The following SPRED2 variants were observed in gnomAD, a reference collection of about 807,000 sequenced individuals.
SPRED2 encodes the protein sprouty related EVH1 domain containing 2, also known as sprouty-related, EVH1 domain-containing protein 2.
Under a neutral mutation model 43.0 loss-of-function variants are expected in SPRED2, and 47 were observed. The observed-to-expected ratio is 1.09, with a 90% confidence interval of 0.87 to 1.40. The LOEUF is 1.40. SPRED2 is among the 40% of genes most tolerant of loss of function. SPRED2 has a pLI of 0.00. For synonymous variants in SPRED2, 225 were observed against 225.7 expected (o/e 1.00, Z 0.03); for missense variants, 561 against 586.4 (o/e 0.96, Z 0.45).
chr2:65,413,792 C>T (rs1332730444), intron 1 of SPRED2, among the ~76,000 whole-genome samples: 1 of 152,204 alleles, frequency 6.6e-6, no homozygotes, highest in Admixed American at 6.5e-5. Context: ...AACTCCAAAG[C>T]TTATCAGAGT....
intron 1 of SPRED2, among the ~76,000 whole-genome samples, chr2:65,374,540 T>C (rs1675195217): frequency 6.6e-6 from 1 of 152,268 alleles, no homozygotes; most frequent in South Asian, 2.1e-4. Flanking sequence ...CAGTTAACTT[T>C]CTGGTTTCTC....
intron 4 of SPRED2, among the ~76,000 whole-genome samples, chr2:65,322,266 C>CTATATATATA (rs1558649699): frequency 4.5e-5 from 2 of 44,546 alleles, no homozygotes; most frequent in Admixed American, 2.9e-4. Context: ...CTCTCTCTCT[C>CTATATATATA]TCTCTATATA....
intron 4 of SPRED2, 149 bp from the exon 5 acceptor site, chr2:65,317,032 A>G: frequency 1.2e-6 from 1 of 821,980 alleles, no homozygotes. Flanking sequence ...TGTCTTGGCT[A>G]CAACAGGAGG....
At chr2:65,423,199 G>C (rs1360896943) in intron 1 of SPRED2, among the ~76,000 whole-genome samples, 1 of 152,180 alleles carries the variant, frequency 6.6e-6, no homozygotes, top group Non-Finnish European at 1.5e-5. Context: ...CTAAGAGGAT[G>C]GTCAGTCCCA....
intron 4 of SPRED2, among the ~76,000 whole-genome samples, chr2:65,319,715 T>C (rs1029985532): frequency 5.3e-5 from 8 of 151,936 alleles, no homozygotes; most frequent in Non-Finnish European, 8.8e-5. Flanking sequence ...TGAGTGCTTA[T>C]GGTGTGCCAG....
chr2:65,385,844 G>A (rs1232704858), intron 1 of SPRED2, among the ~76,000 whole-genome samples: 3 of 152,252 alleles, frequency 2.0e-5, no homozygotes, highest in Non-Finnish European at 2.9e-5. Flanking sequence ...GCAGACCTGC[G>A]TTAGTGTTTT....
intron 1 of SPRED2, among the ~76,000 whole-genome samples, chr2:65,374,996 G>C (rs1219804398): frequency 6.6e-6 from 1 of 152,214 alleles, no homozygotes; most frequent in African/African-American, 2.4e-5. Context: ...GTGTGTGGCA[G>C]ATGAGTGTTT....
At chr2:65,346,588 T>G (rs1674356945) in intron 1 of SPRED2, among the ~76,000 whole-genome samples, 1 of 152,156 alleles carries the variant, frequency 6.6e-6, no homozygotes, top group Non-Finnish European at 1.5e-5. Context: ...TCTGATACTC[T>G]AGGTACCTCA....
chr2:65,431,818 C>T (rs1323839119), intron 1 of SPRED2, 144 bp downstream of exon 1: 3 of 973,652 alleles, frequency 3.1e-6, no homozygotes, highest in African/African-American at 3.2e-5. Flanking sequence ...AGCAGGGAAG[C>T]CTCGCGTCCC....
chr2:65,317,636 C>T (rs966727984), intron 4 of SPRED2, among the ~76,000 whole-genome samples: 4 of 152,086 alleles, frequency 2.6e-5, no homozygotes, highest in Non-Finnish European at 4.4e-5. Context: ...GCAGGGAAGA[C>T]GCACACAGGC....
At chr2:65,373,011 A>C (rs933957091) in intron 1 of SPRED2, among the ~76,000 whole-genome samples, 1 of 152,242 alleles carries the variant, frequency 6.6e-6, no homozygotes, top group African/African-American at 2.4e-5. Flanking sequence ...CATGGAAGCT[A>C]TCTGTTTGTC....
intron 5 of SPRED2, 113 bp from the exon 6 acceptor site, chr2:65,314,282 A>G: frequency 1.0e-6 from 1 of 984,946 alleles, no homozygotes; most frequent in East Asian, 2.7e-5. Context: ...TTTCTCGATA[A>G]CTCCATCACG....
intron 1 of SPRED2, among the ~76,000 whole-genome samples, chr2:65,366,207 ATT>A (rs1420415475): frequency 1.3e-5 from 2 of 151,990 alleles, no homozygotes; most frequent in Non-Finnish European, 2.9e-5. Context: ...CTGCTTATTC[ATT>A]TGTTTTAAAG....
chr2:65,381,847 T>C (rs919372311), intron 1 of SPRED2, among the ~76,000 whole-genome samples: 10 of 152,206 alleles, frequency 6.6e-5, no homozygotes, highest in Admixed American at 6.5e-5. Flanking sequence ...AGGGAATTAC[T>C]TGGGGGCTTT....
intron 1 of SPRED2, chr2:65,366,887 C>T (rs1431525436): frequency 1.7e-5 from 12 of 705,202 alleles, no homozygotes; most frequent in African/African-American, 3.7e-5. Flanking sequence ...CTGACAGATG[C>T]GTTTTCCAAT....
chr2:65,314,485 C>T (rs1413501544), intron 5 of SPRED2, among the ~76,000 whole-genome samples: 1 of 152,170 alleles, frequency 6.6e-6, no homozygotes, highest in Non-Finnish European at 1.5e-5. Flanking sequence ...GGCAAGGGCA[C>T]AGTGTGATGC....
downstream of SPRED2, among the ~76,000 whole-genome samples, chr2:65,309,545 T>TATAA (rs1481183005): frequency 2.1e-5 from 3 of 142,380 alleles, no homozygotes; most frequent in African/African-American, 5.2e-5. Flanking sequence ...AGAGGGAGGA[T>TATAA]GTGGGATGTG....
At chr2:65,330,925 A>G (rs1488214670) in intron 4 of SPRED2, among the ~76,000 whole-genome samples, 5 of 152,212 alleles carry the variant, frequency 3.3e-5, no homozygotes, top group African/African-American at 1.2e-4. Context: ...GCAGGCATTC[A>G]CTGTACTATT....
chr2:65,359,929 G>T (rs1404717663), intron 1 of SPRED2, among the ~76,000 whole-genome samples: 7 of 151,842 alleles, frequency 4.6e-5, no homozygotes, highest in African/African-American at 7.3e-5. Flanking sequence ...GCCTGGTGTG[G>T]TTCTGTGTGC....
Sources: allele counts gnomAD v4.1 joint callset (sites outside exome capture counted in the v4.1 genomes callset), GRCh38; gene constraint gnomAD v4.1.1; transcripts MANE v1.5; gene names NCBI Gene and HGNC (gene_info 2026-07-23, HGNC 2026-07-21).